The following SIK3 variants were observed in gnomAD, a reference collection of about 807,000 sequenced individuals.
SIK3 encodes SIK family kinase 3, also known as serine/threonine-protein kinase SIK3.
In SIK3, 28 loss-of-function variants were observed where a neutral mutation model predicts 144.2. The ratio of observed to expected loss-of-function variants is 0.19; its 90% CI spans 0.14 to 0.27. The LOEUF is 0.27. Among genes scored for constraint, SIK3 ranks in the 10% least tolerant of loss-of-function variants. SIK3 has a pLI of 1.00. For synonymous variants in SIK3, 686 were observed against 676.3 expected (o/e 1.01, Z -0.22); for missense variants, 1,319 against 1,776.0 (o/e 0.74, Z 4.62).
At chr11:117,021,394 G>A (rs1227555029) in intron 1 of SIK3, among the ~76,000 whole-genome samples, 2 of 152,102 alleles carry the variant, frequency 1.3e-5, no homozygotes, top group Non-Finnish European at 2.9e-5. Context: ...AGAGCACATT[G>A]TCAGAACCCC....
At chr11:117,094,803 A>G (rs1267387093) in intron 1 of SIK3, among the ~76,000 whole-genome samples, 1 of 151,832 alleles carries the variant, frequency 6.6e-6, no homozygotes, top group Non-Finnish European at 1.5e-5. Flanking sequence ...AGAGAACCTC[A>G]GGCTAAGTAA....
intron 1 of SIK3, among the ~76,000 whole-genome samples, chr11:116,985,729 C>T (rs1157998113): frequency 6.6e-6 from 1 of 151,984 alleles, no homozygotes; most frequent in East Asian, 1.9e-4. Flanking sequence ...CAATAATGAA[C>T]ACGAATCAAG....
rs1388772937 is a variant in SIK3, at chr11:116,859,485, G to T, written c.2545C>A (p.Pro849Thr). 6.2e-7 allele frequency: 1 copy of T among 1,614,194 alleles called. No individual in the cohort carries two copies. The highest frequency in any genetic ancestry group is 1.3e-5 in the African/African-American group (1 of 75,056). ...ATGGTGACCTGCTGTGACTGAGCAG[G>T]CTGCTGCATACCCAAGCAGGTTAGT... ...VALTCLGMQQ[P>T]AQSQQVTIQV... Residue 849 changes from proline (P) to threonine (T), a missense_variant, in exon 20 of 25, where the codon CCT becomes ACT. Pro to Thr is a conservative substitution (Grantham distance 38). Coordinates refer to ENST00000445177, the MANE Select transcript of SIK3 (RefSeq NM_001366686.3).
chr11:116,970,281 AAAAG>A (rs1324997272), intron 1 of SIK3, among the ~76,000 whole-genome samples: 1 of 152,138 alleles, frequency 6.6e-6, no homozygotes, highest in East Asian at 1.9e-4. Context: ...CTGACTATAA[AAAAG>A]AAAGAAAGAG....
At chr11:116,942,582 T>C (rs1425488125) in intron 3 of SIK3, among the ~76,000 whole-genome samples, 1 of 152,292 alleles carries the variant, frequency 6.6e-6, no homozygotes, top group East Asian at 1.9e-4. Flanking sequence ...TTAGACAGCA[T>C]GGTGAGCAAA....
At chr11:117,086,994 CAAAA>C (rs907856897) in intron 1 of SIK3, among the ~76,000 whole-genome samples, 8 of 66,740 alleles carry the variant, frequency 1.2e-4, no homozygotes, top group Non-Finnish European at 1.6e-4. Context: ...GACTCCATCT[CAAAA>C]AAAAAAAAAA....
intron 1 of SIK3, chr11:117,035,675 C>T: frequency 1.4e-6 from 1 of 693,016 alleles, no homozygotes; most frequent in South Asian, 1.8e-5. Flanking sequence ...CCACCTTAGC[C>T]TCCAGAGTAG....
intron 1 of SIK3, among the ~76,000 whole-genome samples, chr11:116,958,930 G>T (rs548593422): frequency 6.6e-6 from 1 of 152,124 alleles, no homozygotes; most frequent in Non-Finnish European, 1.5e-5. Context: ...TCTCTTCCTA[G>T]AACAAATAGC....
At chr11:116,922,126 A>ATATC (rs550735407) in intron 4 of SIK3, among the ~76,000 whole-genome samples, 33 of 152,308 alleles carry the variant, frequency 2.2e-4, no homozygotes, top group African/African-American at 7.5e-4. Flanking sequence ...TCTATAACTA[A>ATATC]TATCTATCTA....
chr11:117,033,933 A>C (rs1952380559), intron 1 of SIK3, among the ~76,000 whole-genome samples: 1 of 152,160 alleles, frequency 6.6e-6, no homozygotes, highest in Non-Finnish European at 1.5e-5. Context: ...CACATAAATA[A>C]TGTAATAGCC....
rs758784883 is a variant in SIK3, at chr11:116,857,910, T to C, written c.3555A>G (p.Glu1185=). 2.5e-6 allele frequency: 4 copies of C among 1,614,168 alleles called. No individual in the cohort carries two copies. Among genetic ancestry groups the C allele is most frequent in the African/African-American group, 2.7e-5 (2 of 75,026 alleles). ...LLSTGGPGDP[E]SLLGTVSHAQ... ...CATGACTCACAGTTCCTAGCAAAGA[T>C]TCAGGGTCCCCAGGTCCACCGGTAC... Residue 1185 remains glutamate, a synonymous_variant, in exon 21 of 25, where the codon GAA becomes GAG. Coordinates refer to ENST00000445177, the MANE Select transcript of SIK3 (RefSeq NM_001366686.3).
chr11:116,870,549 A>G, intron 13 of SIK3, 148 bp from the exon 14 acceptor site: 1 of 1,009,652 alleles, frequency 9.9e-7, no homozygotes, highest in African/African-American at 1.6e-5. Context: ...GGATTTTCAT[A>G]TACCTATTTT....
At chr11:117,046,334 G>A (rs1952963444) in intron 1 of SIK3, among the ~76,000 whole-genome samples, 1 of 152,098 alleles carries the variant, frequency 6.6e-6, no homozygotes, top group African/African-American at 2.4e-5. Context: ...GCATCTTGAG[G>A]GCAAAAATTA....
Position 117,098,199 on chromosome 11 carries a change from C to T in SIK3, c.217G>A (p.Gly73Ser), listed in dbSNP as rs1270925578. ...IGYYEIDRTI[G>S]KGNFAVVKRA... is the part of the protein sequence containing the mutation. ...TTGACCACCGCGAAGTTGCCCTTGCCGATGGTGCGGTCGATCTCGTAGTAG... is the reference window on the plus strand; with the variant it reads ...TTGACCACCGCGAAGTTGCCCTTGCTGATGGTGCGGTCGATCTCGTAGTAG... Residue 73 changes from glycine (G) to serine (S), a missense_variant, in exon 1 of 25, where the codon GGC becomes AGC. Transcript: ENST00000445177. The T allele has an allele frequency of 6.6e-7, 1 of 1,522,460 alleles. No individual in the cohort carries two copies. Among genetic ancestry groups the T allele is most frequent in the Non-Finnish European group, 8.8e-7 (1 of 1,135,354 alleles). 94.3% of individuals were successfully genotyped at this position (1,522,460 alleles called of 1,614,324 possible). A position where few individuals can be genotyped will look rare whatever the true frequency, so the allele number is the denominator to read the frequency against.
chr11:116,999,075 T>C (rs1408190882), intron 1 of SIK3, among the ~76,000 whole-genome samples: 1 of 151,762 alleles, frequency 6.6e-6, no homozygotes, highest in Non-Finnish European at 1.5e-5. Context: ...CTAATGAGAG[T>C]GTTTAGTTTT....
At chr11:116,996,473 C>T (rs957537932) in intron 1 of SIK3, among the ~76,000 whole-genome samples, 2 of 151,978 alleles carry the variant, frequency 1.3e-5, no homozygotes, top group African/African-American at 4.8e-5. Flanking sequence ...TTTATATAAA[C>T]TTGCTCAAAT....
chr11:116,998,394 C>T lies in SIK3; in HGVS notation c.274-41330G>A, dbSNP rs556810129. On this transcript the variant is annotated intron_variant, in intron 1 of 24. Coordinates refer to ENST00000445177, the MANE Select transcript of SIK3 (RefSeq NM_001366686.3). ...GCTGAGGCAGGAGAATCACTTGAACCCTGGAGGCGAAGGCTGCAGTGAGCT... is the reference window on the plus strand; with the variant it reads ...GCTGAGGCAGGAGAATCACTTGAACTCTGGAGGCGAAGGCTGCAGTGAGCT... Among the ~76,000 whole-genome samples the T allele has an allele frequency of 3.3e-5, 5 of 150,754 alleles. No homozygotes were observed. The East Asian group carries it at 9.8e-4, about 30-fold the overall frequency.
chr11:116,847,219 T>C (rs1216108502), intron 23 of SIK3, among the ~76,000 whole-genome samples: 1 of 152,080 alleles, frequency 6.6e-6, no homozygotes, highest in African/African-American at 2.4e-5. Flanking sequence ...CTGGAAAAAG[T>C]GATTGAAGGC....
intron 12 of SIK3, 33 bp downstream of exon 12, chr11:116,873,870 T>C (rs1212206008): frequency 1.3e-6 from 2 of 1,586,600 alleles, no homozygotes; most frequent in Non-Finnish European, 1.7e-6. Context: ...AGTTTGTTTC[T>C]TCTGGAGCCA....
Sources: gnomAD v4.1 joint callset for allele counts (sites outside exome capture counted in the v4.1 genomes callset) on GRCh38, gnomAD v4.1.1 for gene constraint, MANE v1.5 for transcripts, NCBI Gene and HGNC (gene_info 2026-07-23, HGNC 2026-07-21) for gene names.